Variants in SLC22A31 observed in about 807,000 individuals in gnomAD.
The protein encoded by SLC22A31 is putative solute carrier family 22 member 31.
SLC22A31 carries 42 observed loss-of-function variants against 27.4 expected under a neutral mutation model. That is an observed-to-expected ratio of 1.53 (90% CI 1.20 to 1.98). SLC22A31 has a LOEUF of 1.98. SLC22A31 is among the 30% of genes most tolerant of loss of function. The probability of loss-of-function intolerance (pLI) is 0.00; values close to 1 mark genes in which losing one functional copy is unlikely to be tolerated. For missense variants in SLC22A31, 593 were observed against 479.9 expected (o/e 1.24, Z -2.20); for synonymous variants, 290 against 230.8 (o/e 1.26, Z -2.33).
chr16:89,196,583 G>C (rs1223691135), intron 8 of SLC22A31, among the ~76,000 whole-genome samples: 2 of 152,222 alleles, frequency 1.3e-5, no homozygotes, highest in Non-Finnish European at 2.9e-5. Context: ...AGGTTTGCTG[G>C]CTGAGGATAA....
intron 1 of SLC22A31, 59 bp from the exon 2 acceptor site, chr16:89,199,875 C>T (rs955448008): frequency 1.2e-5 from 5 of 400,980 alleles, no homozygotes; most frequent in East Asian, 7.1e-5. Flanking sequence ...GGGACAGGTG[C>T]AGGGAGTCCC....
At position 89,198,514 on chromosome 16, in the gene SLC22A31, CG is replaced by C. The variant is rs1567781689; in HGVS notation, c.634del (p.Arg212GlyfsTer66). On this transcript the variant is annotated frameshift_variant, in exon 6 of 9. Transcript: ENST00000682282. LOFTEE classifies it high-confidence loss of function. ...TMLSARSPQP[R>X]YHSPLGLLRT... ...CAGAAGCCCCAGTGGGGAGTGGTACCGGGGCTGGGGGCTCCGTGCAGACAGC... is the reference window on the plus strand; with the variant it reads ...CAGAAGCCCCAGTGGGGAGTGGTACCGGGCTGGGGGCTCCGTGCAGACAGC... 2 of 1,512,702 alleles carry C rather than the reference CG, an allele frequency of 1.3e-6. No homozygotes were observed. Among genetic ancestry groups the C allele is most frequent in the African/African-American group, 1.4e-5 (1 of 72,482 alleles). 93.7% of individuals were successfully genotyped at this position (1,512,702 alleles called of 1,614,324 possible). A position where few individuals can be genotyped will look rare whatever the true frequency, so the allele number is the denominator to read the frequency against.
At position 89,198,516 on chromosome 16, in the gene SLC22A31, G is replaced by C. The variant is rs2151612632; in HGVS notation, c.633C>G (p.Pro211=). The change falls in exon 6 of 9, where the codon CCC becomes CCG. Residue 211 remains proline, a synonymous_variant. Coordinates refer to ENST00000682282, the MANE Select transcript of SLC22A31 (RefSeq NM_001384763.1). ...GAAGCCCCAGTGGGGAGTGGTACCG[G>C]GGCTGGGGGCTCCGTGCAGACAGCA... The part of the protein sequence containing the change: ...LTMLSARSPQ[P]RYHSPLGLLR... 1 of 1,511,616 alleles carries C rather than the reference G, an allele frequency of 6.6e-7. No homozygotes were observed. The highest frequency in any genetic ancestry group is 2.5e-5 in the East Asian group (1 of 40,576). 93.6% of individuals were successfully genotyped at this position (1,511,616 alleles called of 1,614,324 possible). A position where few individuals can be genotyped will look rare whatever the true frequency, so the allele number is the denominator to read the frequency against.
chr16:89,199,339 G>C, intron 3 of SLC22A31, 74 bp downstream of exon 3: 1 of 813,904 alleles, frequency 1.2e-6, no homozygotes, highest in East Asian at 2.7e-5. Context: ...CGGGGCCCTC[G>C]GCAAGGGAGC....
At position 89,195,983 on chromosome 16, in the gene SLC22A31, G is replaced by A; in HGVS notation, c.*16C>T. 6.8e-7 allele frequency: 1 copy of A among 1,470,940 alleles called. No individual in the cohort carries two copies. Among genetic ancestry groups the A allele is most frequent in the African/African-American group, 1.4e-5 (1 of 71,318 alleles). The allele number at this position is 1,470,940 out of a possible 1,614,324, so 91.1% of individuals were successfully genotyped here. On this transcript the variant is annotated 3_prime_UTR_variant, in exon 9 of 9. Coordinates refer to ENST00000682282, the MANE Select transcript of SLC22A31 (RefSeq NM_001384763.1). ...GACTTTGGTCCCATCCTGGCTCCCA[G>A]GGCCACCAGGCAGGACTAGTGCTGC...
At chr16:89,199,600 G>A (rs1597322434) in intron 2 of SLC22A31, 33 bp from the exon 3 acceptor site, 5 of 428,844 alleles carry the variant, frequency 1.2e-5, no homozygotes, top group Middle Eastern at 3.1e-4. Flanking sequence ...CTTGGACAGG[G>A]TCAGGATAAC....
chr16:89,197,172 T>C lies in SLC22A31; in HGVS notation c.1034+126A>G. 7.3e-6 allele frequency: 5 copies of C among 683,284 alleles called. No homozygotes were observed. The South Asian group carries it at 9.4e-5, about 13-fold the overall frequency. 42.3% of individuals were successfully genotyped at this position (683,284 alleles called of 1,614,324 possible). The stretch of plus-strand genomic sequence containing the variant: ...GCAGTGCTTTACCCCGAGTCCTTAC[T>C]GGATGGAGGAATCACAGGCAGGAAC... On this transcript the variant is annotated intron_variant, in intron 8 of 8. Transcript: ENST00000682282.
chr16:89,198,179 G>A lies in SLC22A31; in HGVS notation c.865C>T (p.Leu289=), dbSNP rs1352488808. 3 of 1,535,364 alleles carry A rather than the reference G, an allele frequency of 2.0e-6. No homozygotes were observed. Among genetic ancestry groups the A allele is most frequent in the African/African-American group, 2.7e-5 (2 of 73,044 alleles). ...AGGCCTGTGACCATGGTGCCCAGCA[G>A]CAGCACGGGGCGGCGTCCACAGCAA... ...ADCCGRRPVL[L]LGTMVTGLAS... Residue 289 remains leucine (L), a synonymous_variant, in exon 7 of 9, where the codon CTG becomes TTG. Coordinates refer to ENST00000682282, the MANE Select transcript of SLC22A31 (RefSeq NM_001384763.1).
At position 89,196,153 on chromosome 16, in the gene SLC22A31, G is replaced by T. The variant is rs1476143907; in HGVS notation, c.1187C>A (p.Pro396His). ...VLALLCVLLL[P>H]ESRSRGLPQS... is the part of the protein sequence containing the mutation. ...GGGCAGCCCCCGGCTTCGGCTCTCA[G>T]GCAGCAGCAGGACACACAGCAGGGC... The change falls in exon 9 of 9, where the codon CCT becomes CAT. Residue 396 changes from proline to histidine, a missense_variant. Transcript: ENST00000682282. 29 of 1,535,006 alleles carry T rather than the reference G, an allele frequency of 1.9e-5. No individual in the cohort carries two copies. The highest frequency in any genetic ancestry group is 2.4e-5 in the Non-Finnish European group (27 of 1,146,532).
chr16:89,195,933 G>A lies in SLC22A31; in HGVS notation c.*66C>T. On this transcript the variant is annotated 3_prime_UTR_variant, in exon 9 of 9. Coordinates refer to ENST00000682282, the MANE Select transcript of SLC22A31 (RefSeq NM_001384763.1). ...TGTCTGCCCTGGACCAGACGTCTGG[G>A]GTACTCAGCCATGCCCCAGGCCTTG... is the stretch of plus-strand genomic sequence containing the variant. The A allele has an allele frequency of 7.0e-7, 1 of 1,419,912 alleles. No individual in the cohort carries two copies. The highest frequency in any genetic ancestry group is 9.2e-7 in the Non-Finnish European group (1 of 1,083,940). The allele number at this position is 1,419,912 out of a possible 1,614,324, so 88.0% of individuals were successfully genotyped here.
At chr16:89,198,036 CCT>C (rs1476516642) in intron 7 of SLC22A31, 84 bp downstream of exon 7, 9 of 1,440,732 alleles carry the variant, frequency 6.2e-6, no homozygotes, top group African/African-American at 2.8e-5. Context: ...AGGCTGCTCC[CCT>C]GTCGGCACTA....
Position 89,199,104 on chromosome 16 carries a change from C to T in SLC22A31, c.371G>A (p.Gly124Asp), listed in dbSNP as rs761415668. The T allele has an allele frequency of 9.8e-6, 15 of 1,535,748 alleles. No homozygotes were observed. Among genetic ancestry groups the T allele is most frequent in the Non-Finnish European group, 1.2e-5 (14 of 1,146,796 alleles). ...CCAGTCCTGCACAAGCGCAGCCAGG[C>T]CGGGCAGCAGCAGGGTGCCCACCAC... The part of the protein sequence containing the change: ...FSVVGTLLLP[G>D]LAALVQDWRL... Residue 124 changes from glycine (G) to aspartate (D), a missense_variant, in exon 4 of 9, where the codon GGC becomes GAC. By Grantham distance (94) the Gly-to-Asp change is moderately conservative (BLOSUM62 -1). Transcript: ENST00000682282.
Position 89,197,305 on chromosome 16 carries a change from C to T in SLC22A31, c.1027G>A (p.Val343Met). The T allele has an allele frequency of 1.3e-6, 2 of 1,535,604 alleles. No homozygotes were observed. The highest frequency in any genetic ancestry group is 1.7e-6 in the Non-Finnish European group (2 of 1,146,674). The change falls in exon 8 of 9, where the codon GTG becomes ATG. Residue 343 changes from valine to methionine, a missense_variant. Val to Met is a conservative substitution (Grantham distance 21). Transcript: ENST00000682282. ...GGCAACCCTGAAGCTCACCTGATCA[C>T]CGTGGGGAAGACCTCGGCCGCGAAG... ...SLFAAEVFPTVIRGAGLGLVL... is the reference protein window; with the variant it reads ...SLFAAEVFPTMIRGAGLGLVL...
In SLC22A31 at chr16:89,198,191, G is replaced by A. The variant is rs1276660918; in HGVS notation, c.853C>T (p.Arg285Cys). The A allele has an allele frequency of 1.8e-5, 28 of 1,535,498 alleles. No individual in the cohort carries two copies. Among genetic ancestry groups the A allele is most frequent in the East Asian group, 2.4e-5 (1 of 40,926 alleles). ...ATGGTGCCCAGCAGCAGCACGGGGCGGCGTCCACAGCAATCTGCCGTCAGG... is the reference window on the plus strand; with the variant it reads ...ATGGTGCCCAGCAGCAGCACGGGGCAGCGTCCACAGCAATCTGCCGTCAGG... ...LLLTADCCGRRPVLLLGTMVT... is the reference protein window; with the variant it reads ...LLLTADCCGRCPVLLLGTMVT... Residue 285 changes from arginine to cysteine, a missense_variant, in exon 7 of 9, where the codon CGC (arginine) becomes TGC (cysteine). Transcript: ENST00000682282.
At chr16:89,200,748 C>T (rs529091795), upstream of SLC22A31, among the ~76,000 whole-genome samples, 1 of 152,316 alleles carries the variant, frequency 6.6e-6, no homozygotes, top group South Asian at 2.1e-4. Flanking sequence ...CCTGGAGGTC[C>T]CTGCCGCCCG....
chr16:89,195,762 T>A lies in SLC22A31; in HGVS notation c.*237A>T, dbSNP rs1597316107. ...GGAAGAACCAGGGAGGACGCCAAGT[T>A]CCACAGAAGCCTTTATCCTCCACAC... is the stretch of plus-strand genomic sequence containing the variant. On this transcript the variant is annotated 3_prime_UTR_variant, in exon 9 of 9. Coordinates refer to ENST00000682282, the MANE Select transcript of SLC22A31 (RefSeq NM_001384763.1). 1 of 453,470 alleles carries A rather than the reference T, an allele frequency of 2.2e-6. No individual in the cohort carries two copies. The highest frequency in any genetic ancestry group is 5.8e-5 in the South Asian group (1 of 17,154). The allele number at this position is 453,470 out of a possible 1,614,324, so 28.1% of individuals were successfully genotyped here.
Position 89,198,492 on chromosome 16 carries a change from A to G in SLC22A31, c.657T>C (p.Leu219=), listed in dbSNP as rs1472931313. ...TTCTCCAGGTGACTCGGGTACGCAG[A>G]AGCCCCAGTGGGGAGTGGTACCGGG... ...PQPRYHSPLG[L]LRTRVTWRNG... The change falls in exon 6 of 9, where the codon CTT becomes CTC. Residue 219 remains leucine, a synonymous_variant. Transcript: ENST00000682282. The G allele has an allele frequency of 5.3e-6, 8 of 1,519,400 alleles. No homozygotes were observed. The highest frequency in any genetic ancestry group is 7.0e-6 in the Non-Finnish European group (8 of 1,138,060). 94.1% of individuals were successfully genotyped at this position (1,519,400 alleles called of 1,614,324 possible). A position where few individuals can be genotyped will look rare whatever the true frequency, so the allele number is the denominator to read the frequency against.
At chr16:89,199,634 C>T (rs1449684935) in intron 2 of SLC22A31, 67 bp from the exon 3 acceptor site, 2 of 407,056 alleles carry the variant, frequency 4.9e-6, no homozygotes, top group Non-Finnish European at 8.7e-6. Flanking sequence ...TTCATCCTGG[C>T]AGCACCAGGT....
At position 89,195,930 on chromosome 16, in the gene SLC22A31, T is replaced by G; in HGVS notation, c.*69A>C. The G allele has an allele frequency of 7.1e-7, 1 of 1,416,730 alleles. No individual in the cohort carries two copies. Among genetic ancestry groups the G allele is most frequent in the Non-Finnish European group, 9.2e-7 (1 of 1,081,260 alleles). 87.8% of individuals were successfully genotyped at this position (1,416,730 alleles called of 1,614,324 possible). A position where few individuals can be genotyped will look rare whatever the true frequency, so the allele number is the denominator to read the frequency against. ...ATGTGTCTGCCCTGGACCAGACGTC[T>G]GGGGTACTCAGCCATGCCCCAGGCC... On this transcript the variant is annotated 3_prime_UTR_variant, in exon 9 of 9. Transcript: ENST00000682282.
Sources: gnomAD v4.1 joint callset for allele counts (sites outside exome capture counted in the v4.1 genomes callset) on GRCh38, gnomAD v4.1.1 for gene constraint, MANE v1.5 for transcripts, NCBI Gene and HGNC (gene_info 2026-07-23, HGNC 2026-07-21) for gene names.